CAPN14: variants seen among roughly 807,000 people sequenced by gnomAD.
The protein encoded by CAPN14 is calpain 14.
In CAPN14, 94 loss-of-function variants were observed where a neutral mutation model predicts 101.3. That is an observed-to-expected ratio of 0.93 (90% CI 0.79 to 1.10). The LOEUF (loss-of-function observed/expected upper bound fraction) is 1.10. Among genes scored for constraint, CAPN14 ranks in the 50% least tolerant of loss-of-function variants. The pLI, the probability that CAPN14 is intolerant of heterozygous loss-of-function variation, is 0.00. For synonymous variants in CAPN14, 338 were observed against 317.9 expected, an observed-to-expected ratio of 1.06 and a Z score of -0.67; for missense variants, 837 against 828.4, an observed-to-expected ratio of 1.01 and a Z score of -0.13.
At chr2:31,178,328 C>T (rs1680413981) in intron 18 of CAPN14, among the ~76,000 whole-genome samples, 183 bp downstream of exon 18, 1 of 152,144 alleles carries the variant, frequency 6.6e-6, no homozygotes, top group Non-Finnish European at 1.5e-5. Flanking sequence ...CAGGAGACTA[C>T]TGCAACCAGC....
At chr2:31,232,924 G>A (rs536213361) in intron 1 of CAPN14, among the ~76,000 whole-genome samples, 2 of 152,270 alleles carry the variant, frequency 1.3e-5, no homozygotes, top group African/African-American at 4.8e-5. Flanking sequence ...ATTAGCCTGG[G>A]CAGGGAGGAG....
In CAPN14 at chr2:31,197,329, G is replaced by A. The variant is rs1489437993; in HGVS notation, c.795C>T (p.Thr265=). Residue 265 remains threonine (T), a synonymous_variant, in exon 8 of 22, where the codon ACC becomes ACT. Coordinates refer to ENST00000403897, the MANE Select transcript of CAPN14 (RefSeq NM_001145122.2). ...CGAGATATTCAGGTCTATGTTTGCA[G>A]GTCACCTGCATAAAATGAGAGGCAG... ...AYTLTGIRKV[T]CKHRPEYLVK... The A allele has an allele frequency of 1.3e-6, 2 of 1,549,642 alleles. No homozygotes were observed. Among genetic ancestry groups the A allele is most frequent in the African/African-American group, 2.7e-5 (2 of 73,102 alleles).
At chr2:31,223,189 G>A (rs915123145) in intron 2 of CAPN14, among the ~76,000 whole-genome samples, 4 of 152,222 alleles carry the variant, frequency 2.6e-5, no homozygotes, top group Non-Finnish European at 4.4e-5. Flanking sequence ...AGTGTAAACT[G>A]GAGACAGGAA....
At position 31,201,768 on chromosome 2, in the gene CAPN14, T is replaced by A; in HGVS notation, c.551+94A>T. On this transcript the variant is annotated intron_variant, in intron 5 of 21. Transcript: ENST00000403897. ...GCTAAGACATGCCTCAGGATCTCAT[T>A]TCATAAACTTTACCTGACTCCACTC... The A allele has an allele frequency of 2.7e-6, 4 of 1,465,998 alleles. No homozygotes were observed. The East Asian group carries it at 7.5e-5, about 27-fold the overall frequency. The allele number at this position is 1,465,998 out of a possible 1,614,324, so 90.8% of individuals were successfully genotyped here. A position where few individuals can be genotyped will look rare whatever the true frequency, so the allele number is the denominator to read the frequency against.
intron 16 of CAPN14, among the ~76,000 whole-genome samples, chr2:31,181,791 C>A (rs557198160): frequency 6.8e-6 from 1 of 146,538 alleles, no homozygotes; most frequent in East Asian, 2.0e-4. Flanking sequence ...TTTGTCCTTG[C>A]GATAGTTTAC....
chr2:31,173,790 A>G lies in CAPN14; in HGVS notation c.*891T>C, dbSNP rs1348437. 0.34 allele frequency: 52,131 copies of G among 152,058 alleles called. 11,389 individuals are homozygous for G. Among genetic ancestry groups the G allele is most frequent in the African/African-American group, 0.62 (25,528 of 41,440 alleles). The allele number at this position is 152,058 out of a possible 1,614,324, so 9.4% of individuals were successfully genotyped here. ...GCCATTGTTCTGGTTTTGCACCTGT[A>G]TTCTTGGTTGAGAGGGATGACATAA... On this transcript the variant is annotated 3_prime_UTR_variant, in exon 22 of 22. Transcript: ENST00000403897.
chr2:31,201,808 T>TGA, intron 5 of CAPN14, 54 bp downstream of exon 5: 1 of 1,540,658 alleles, frequency 6.5e-7, no homozygotes, highest in Non-Finnish European at 8.8e-7. Context: ...CCCTCAACAT[T>TGA]GAGAGAGAGA....
At chr2:31,193,741 G>A (rs1333664902) in intron 9 of CAPN14, among the ~76,000 whole-genome samples, 2 of 152,200 alleles carry the variant, frequency 1.3e-5, no homozygotes, top group Non-Finnish European at 2.9e-5. Flanking sequence ...GCTGTCTGAT[G>A]CTCAGTTTAC....
At chr2:31,231,067 T>C (rs1572455145) in intron 1 of CAPN14, among the ~76,000 whole-genome samples, 3 of 152,212 alleles carry the variant, frequency 2.0e-5, no homozygotes, top group Non-Finnish European at 4.4e-5. Flanking sequence ...GCTTAGTTGT[T>C]GCCATTGCTA....
At chr2:31,231,161 C>A (rs1305438060) in intron 1 of CAPN14, among the ~76,000 whole-genome samples, 1 of 151,620 alleles carries the variant, frequency 6.6e-6, no homozygotes, top group East Asian at 1.9e-4. Context: ...CCTCCTTATT[C>A]TTCTTATCTT....
chr2:31,201,215 G>A (rs73921585), intron 5 of CAPN14, among the ~76,000 whole-genome samples: 3,753 of 151,686 alleles, frequency 0.025, 160 homozygotes, highest in African/African-American at 0.086. Flanking sequence ...GTGTGCATGT[G>A]TGTGTCTGTG....
intron 15 of CAPN14, among the ~76,000 whole-genome samples, chr2:31,187,460 T>TGA (rs1680954437): frequency 6.9e-6 from 1 of 145,314 alleles, no homozygotes; most frequent in African/African-American, 2.6e-5. Flanking sequence ...ACTCTGACAT[T>TGA]CTACTCTGCT....
At chr2:31,190,114 G>A (rs1681103443) in intron 12 of CAPN14, among the ~76,000 whole-genome samples, 1 of 119,284 alleles carries the variant, frequency 8.4e-6, no homozygotes, top group Non-Finnish European at 1.6e-5. Context: ...CATTTCTTGG[G>A]TATCTGCTTT....
intron 14 of CAPN14, 126 bp downstream of exon 14, chr2:31,188,192 G>A (rs1485874947): frequency 9.7e-6 from 8 of 824,858 alleles, no homozygotes; most frequent in African/African-American, 8.7e-5. Context: ...GGTAATGTTT[G>A]CCATAGAACA....
intron 1 of CAPN14, among the ~76,000 whole-genome samples, chr2:31,208,618 T>C (rs1351977656): frequency 1.3e-5 from 2 of 152,206 alleles, no homozygotes; most frequent in African/African-American, 4.8e-5. Flanking sequence ...TAAGTATTCC[T>C]AAGTCACCTT....
At chr2:31,193,383 G>A in intron 9 of CAPN14, 89 bp from the exon 10 acceptor site, 1 of 1,308,622 alleles carries the variant, frequency 7.6e-7, no homozygotes, top group South Asian at 1.4e-5. Context: ...CGGAGCAGTG[G>A]GCATCCCAGC....
intron 1 of CAPN14, among the ~76,000 whole-genome samples, chr2:31,214,397 T>G (rs1572438342): frequency 6.6e-6 from 1 of 152,162 alleles, no homozygotes; most frequent in African/African-American, 2.4e-5. Flanking sequence ...ATCCTTCCCC[T>G]CCAAAATGCT....
At chr2:31,232,288 C>A (rs886634251) in intron 1 of CAPN14, among the ~76,000 whole-genome samples, 1 of 152,150 alleles carries the variant, frequency 6.6e-6, no homozygotes, top group Non-Finnish European at 1.5e-5. Flanking sequence ...TGTGCCTCAC[C>A]CTTATGTCCT....
intron 15 of CAPN14, among the ~76,000 whole-genome samples, chr2:31,187,095 T>C (rs1164881785): frequency 6.6e-6 from 1 of 152,182 alleles, no homozygotes; most frequent in African/African-American, 2.4e-5. Flanking sequence ...GTCACTAACA[T>C]AGGGGGCTCA....
Sources: allele counts gnomAD v4.1 joint callset (sites outside exome capture counted in the v4.1 genomes callset), GRCh38; gene constraint gnomAD v4.1.1; transcripts MANE v1.5; gene names NCBI Gene and HGNC (gene_info 2026-07-23, HGNC 2026-07-21).